The following KALRN variants were observed in gnomAD, a reference collection of about 807,000 sequenced individuals.
KALRN encodes kalirin RhoGEF kinase.
In KALRN, 70 loss-of-function variants were observed where a neutral mutation model predicts 353.7. The observed-to-expected ratio is 0.20, with a 90% CI of 0.16 to 0.24. The LOEUF (loss-of-function observed/expected upper bound fraction) is 0.24, where lower values mean the gene tolerates loss of function less well. Ranked by LOEUF, KALRN falls within the 10% of genes least tolerant of loss-of-function variation. The probability of loss-of-function intolerance (pLI) is 1.00; values close to 1 mark genes in which losing one functional copy is unlikely to be tolerated. For missense variants in KALRN, 2,791 were observed against 3,756.7 expected, an observed-to-expected ratio of 0.74 and a Z score of 6.72; for synonymous variants, 1,391 against 1,434.8, an observed-to-expected ratio of 0.97 and a Z score of 0.69.
chr3:124,413,616 C>A lies in KALRN; in HGVS notation c.2493C>A (p.Ile831=). ...TGAACAACATGACCTTTGAGGTTAT[C>A]CAGCAGGGACAGGATCTGCACCAGT... is the stretch of plus-strand genomic sequence containing the variant. The part of the protein sequence containing the change: ...LAMNNMTFEV[I]QQGQDLHQYI... Residue 831 remains isoleucine, a synonymous_variant, in exon 14 of 60, where the codon ATC becomes ATA. Transcript: ENST00000682506. 6.2e-7 allele frequency: 1 copy of A among 1,614,098 alleles called. No individual in the cohort carries two copies. Among genetic ancestry groups the A allele is most frequent in the South Asian group, 1.1e-5 (1 of 91,056 alleles).
chr3:124,079,694 A>G (rs1050753419), intron 1 of KALRN, among the ~76,000 whole-genome samples: 10 of 152,366 alleles, frequency 6.6e-5, no homozygotes, highest in South Asian at 2.1e-4. Context: ...GTCTTTTTAT[A>G]TAAGTATTTT....
chr3:124,532,673 C>T (rs977366750), intron 33 of KALRN, among the ~76,000 whole-genome samples: 3 of 151,898 alleles, frequency 2.0e-5, no homozygotes, highest in African/African-American at 4.8e-5. Flanking sequence ...TAGGCAGGGT[C>T]GCACACATCT....
intron 5 of KALRN, among the ~76,000 whole-genome samples, chr3:124,290,008 T>C (rs2076287775): frequency 6.6e-6 from 1 of 152,076 alleles, no homozygotes; most frequent in Admixed American, 6.5e-5. Context: ...AAGCCACAAA[T>C]TGGCAGCCAG....
At chr3:124,419,319 T>C (rs1224207986) in intron 14 of KALRN, among the ~76,000 whole-genome samples, 1 of 150,746 alleles carries the variant, frequency 6.6e-6, no homozygotes, top group Non-Finnish European at 1.5e-5. Context: ...TTAAGCCTAC[T>C]AGATGCCAAG....
In KALRN at chr3:124,477,350, C is replaced by G. The variant is rs758398548; in HGVS notation, c.4191+16C>G. Reference sequence around the variant, plus strand: ...CTTCTTTGATGTAAGCTGTGTTTTCCATTCTTGAGCAGCTGATGAGCAGGT... The same window carrying G: ...CTTCTTTGATGTAAGCTGTGTTTTCGATTCTTGAGCAGCTGATGAGCAGGT... On this transcript the variant is annotated intron_variant, in intron 27 of 59. Transcript: ENST00000682506. The G allele has an allele frequency of 6.3e-7, 1 of 1,575,650 alleles. No individual in the cohort carries two copies. Among genetic ancestry groups the G allele is most frequent in the South Asian group, 1.1e-5 (1 of 89,992 alleles).
At chr3:124,138,004 C>A (rs929525794) in intron 1 of KALRN, among the ~76,000 whole-genome samples, 1 of 152,152 alleles carries the variant, frequency 6.6e-6, no homozygotes, top group Admixed American at 6.5e-5. Flanking sequence ...CAGCCCTAGT[C>A]GGAGCTTAAG....
Position 124,645,641 on chromosome 3 carries a change from T to C in KALRN, c.5665-5167T>C, listed in dbSNP as rs1257799364. On this transcript the variant is annotated intron_variant, in intron 37 of 59. Coordinates refer to ENST00000682506, the MANE Select transcript of KALRN (RefSeq NM_001388419.1). ...TGAATAATATTTCTCTCTCTCTCTCTCTCTCTCTCTCTCTCTCTGTGCGTG... is the reference window on the plus strand; with the variant it reads ...TGAATAATATTTCTCTCTCTCTCTCCCTCTCTCTCTCTCTCTCTGTGCGTG... Among the ~76,000 whole-genome samples, 4 of 108,440 alleles carry C rather than the reference T, an allele frequency of 3.7e-5. No homozygotes were observed. In the East Asian group the frequency reaches 1.4e-3, roughly 37 times the overall value. 71.1% of individuals were successfully genotyped at this position (108,440 alleles called of 152,430 possible). A position where few individuals can be genotyped will look rare whatever the true frequency, so the allele number is the denominator to read the frequency against.
chr3:124,371,256 A>T (rs546939405), intron 10 of KALRN, among the ~76,000 whole-genome samples: 29 of 152,366 alleles, frequency 1.9e-4, no homozygotes, highest in African/African-American at 6.7e-4. Flanking sequence ...CCTTTTAAGT[A>T]CTACACATTT....
rs2063302285 is a variant in KALRN, at chr3:124,719,329, C to T, written c.8820C>T (p.Pro2940=). 6.2e-7 allele frequency: 1 copy of T among 1,614,222 alleles called. No individual in the cohort carries two copies. The highest frequency in any genetic ancestry group is 2.2e-5 in the East Asian group (1 of 44,880). ...GCTTGCAGCATCCATGGCTGCAGCC[C>T]CATAATGGCAGCTACTCTAAGATCC... is the stretch of plus-strand genomic sequence containing the variant. The part of the protein sequence containing the change: ...ATCLQHPWLQ[P]HNGSYSKIPL... Residue 2940 remains proline, a synonymous_variant, in exon 60 of 60, where the codon CCC becomes CCT. Coordinates refer to ENST00000682506, the MANE Select transcript of KALRN (RefSeq NM_001388419.1). This position sits in a 1 kb window ranked among gnomAD's most constrained non-coding sequence, Gnocchi z 5.3.
chr3:124,693,809 A>C lies in KALRN; in HGVS notation c.7383A>C (p.Leu2461Phe), dbSNP rs762758916. 6.4e-7 allele frequency: 1 copy of C among 1,568,554 alleles called. No individual in the cohort carries two copies. Among genetic ancestry groups the C allele is most frequent in the Non-Finnish European group, 8.7e-7 (1 of 1,146,404 alleles). ...TGTGTCTTTTTGTTTTTCAGATCTTAAATCCAAATTTCATCCAAGAAGGTG... is the reference window on the plus strand; with the variant it reads ...TGTGTCTTTTTGTTTTTCAGATCTTCAATCCAAATTTCATCCAAGAAGGTG... Reference protein sequence around the residue: ...DLDPNTSMEILNPNFIQEVAP... With the variant: ...DLDPNTSMEIFNPNFIQEVAP... Residue 2461 changes from leucine (L) to phenylalanine (F), a missense_variant, in exon 52 of 60, where the codon TTA (leucine) becomes TTC (phenylalanine). Physicochemically the swap from Leu to Phe is conservative, Grantham distance 22. This residue lies in a region of KALRN where 1,065 missense variants were observed against 1,156.4 expected (regional missense o/e 0.92). Coordinates refer to ENST00000682506, the MANE Select transcript of KALRN (RefSeq NM_001388419.1).
At chr3:124,360,336 C>T (rs1421461979) in intron 10 of KALRN, among the ~76,000 whole-genome samples, 4 of 152,154 alleles carry the variant, frequency 2.6e-5, no homozygotes, top group Non-Finnish European at 2.9e-5. Flanking sequence ...GGGAGATGTG[C>T]GATTCCATTT....
At chr3:124,430,065 A>C (rs939496340) in intron 15 of KALRN, among the ~76,000 whole-genome samples, 3 of 152,192 alleles carry the variant, frequency 2.0e-5, no homozygotes, top group Non-Finnish European at 4.4e-5. Flanking sequence ...TGAGACTAAA[A>C]TACAGCTAAT....
intron 58 of KALRN, among the ~76,000 whole-genome samples, chr3:124,714,605 T>C (rs934286808): frequency 1.4e-4 from 22 of 152,224 alleles, no homozygotes; most frequent in Non-Finnish European, 8.8e-5. Flanking sequence ...TGAACTAGTT[T>C]AGCAAACGTT....
intron 6 of KALRN, among the ~76,000 whole-genome samples, chr3:124,312,655 T>C (rs998746385): frequency 2.0e-5 from 3 of 152,194 alleles, no homozygotes; most frequent in African/African-American, 7.2e-5. Context: ...AGTAAGAGGA[T>C]CTGTGTGTAC....
intron 34 of KALRN, among the ~76,000 whole-genome samples, chr3:124,604,931 A>G (rs12487316): frequency 0.43 from 65,878 of 151,704 alleles, 14,860 homozygotes; most frequent in Middle Eastern, 0.52. Flanking sequence ...CAAGGTGTGC[A>G]GATTGCCTAA....
At chr3:124,208,525 G>T (rs1202135233) in intron 1 of KALRN, among the ~76,000 whole-genome samples, 4 of 152,230 alleles carry the variant, frequency 2.6e-5, no homozygotes, top group African/African-American at 9.7e-5. Context: ...GTGAACAGTT[G>T]TGATAGAGCA....
chr3:124,310,348 GATCTATAA>G (rs972455233), intron 6 of KALRN, among the ~76,000 whole-genome samples: 14 of 152,114 alleles, frequency 9.2e-5, no homozygotes, highest in African/African-American at 3.4e-4. Flanking sequence ...TCAAATCCTT[GATCTATAA>G]ATCCAGTATA....
At chr3:124,347,116 T>G in intron 9 of KALRN, 27 bp from the exon 10 acceptor site, 2 of 1,613,430 alleles carry the variant, frequency 1.2e-6, no homozygotes, top group Non-Finnish European at 1.7e-6. Flanking sequence ...TAGAAAGTCA[T>G]TGTTGCTGTT....
intron 1 of KALRN, among the ~76,000 whole-genome samples, chr3:124,193,578 C>T (rs998548963): frequency 1.3e-5 from 2 of 151,898 alleles, no homozygotes; most frequent in African/African-American, 4.8e-5. Context: ...CTACTATACT[C>T]CTTTCTACAT....
Sources: allele counts gnomAD v4.1 joint callset (sites outside exome capture counted in the v4.1 genomes callset), GRCh38; gene constraint gnomAD v4.1.1; regional missense constraint gnomAD v4.1.1; non-coding constraint Gnocchi (gnomAD v3.1); transcripts MANE v1.5; gene names NCBI Gene and HGNC (gene_info 2026-07-23, HGNC 2026-07-21).